Variants in KIFC3 observed in about 807,000 individuals in gnomAD.
KIFC3 encodes the protein kinesin-like protein KIFC3.
In KIFC3, 60 loss-of-function variants were observed where a neutral mutation model predicts 101.8. The ratio of observed to expected loss-of-function variants is 0.59; its 90% confidence interval spans 0.48 to 0.73. KIFC3 has a LOEUF of 0.73. Ranked by LOEUF, KIFC3 falls within the 30% of genes least tolerant of loss-of-function variation. The probability of loss-of-function intolerance (pLI) is 0.00; values close to 1 mark genes in which losing one functional copy is unlikely to be tolerated. For synonymous variants in KIFC3, 476 were observed against 482.7 expected, an observed-to-expected ratio of 0.99 and a Z score of 0.18; for missense variants, 966 against 1,137.1, an observed-to-expected ratio of 0.85 and a Z score of 2.16.
chr16:57,771,701 G>A lies in KIFC3; in HGVS notation c.382-15C>T, dbSNP rs2051239545. 1 of 1,606,190 alleles carries A rather than the reference G, an allele frequency of 6.2e-7. No individual in the cohort carries two copies. The highest frequency in any genetic ancestry group is 1.1e-5 in the South Asian group (1 of 90,020). Reference sequence around the variant, plus strand: ...TCGGTGCCCCCCTGCAGAGAGCCAGGGCCGAGGGGGCGCATGTGGCGAGGG... The same window carrying A: ...TCGGTGCCCCCCTGCAGAGAGCCAGAGCCGAGGGGGCGCATGTGGCGAGGG... On this transcript the variant is annotated splice_polypyrimidine_tract_variant and intron_variant, in intron 4 of 19. Coordinates refer to ENST00000445690, the MANE Select transcript of KIFC3 (RefSeq NM_001130100.2).
At chr16:57,848,663 A>C (rs2149324161) in intron 1 of KIFC3, among the ~76,000 whole-genome samples, 1 of 152,260 alleles carries the variant, frequency 6.6e-6, no homozygotes, top group Non-Finnish European at 1.5e-5. Flanking sequence ...ATATGAAGCT[A>C]ATCTCCGATT....
intron 10 of KIFC3, chr16:57,765,942 C>T (rs960467633): frequency 2.0e-4 from 62 of 309,214 alleles, no homozygotes; most frequent in East Asian, 2.3e-4. Context: ...GACACCAGAA[C>T]GGACACTCTT....
At chr16:57,815,600 C>T in intron 1 of KIFC3, 1 of 1,289,956 alleles carries the variant, frequency 7.8e-7, no homozygotes, top group Non-Finnish European at 1.0e-6. Context: ...GGGGGTGCCC[C>T]CACATGGCTG....
chr16:57,770,459 G>T, intron 7 of KIFC3, 68 bp downstream of exon 7: 1 of 1,299,606 alleles, frequency 7.7e-7, no homozygotes, highest in South Asian at 2.0e-5. Flanking sequence ...ATGTTTAACC[G>T]ATGCATTGGC....
intron 1 of KIFC3, among the ~76,000 whole-genome samples, chr16:57,829,122 GA>G (rs1334658128): frequency 1.3e-5 from 2 of 152,004 alleles, no homozygotes; most frequent in African/African-American, 4.8e-5. Flanking sequence ...ATCAGAAGGG[GA>G]AAAAATGAAC....
chr16:57,788,645 T>A (rs781955456), intron 3 of KIFC3: 1 of 1,289,628 alleles, frequency 7.8e-7, no homozygotes, highest in Non-Finnish European at 1.0e-6. Context: ...CCGGCGCCTG[T>A]CTCTTCCAAA....
At chr16:57,844,486 A>G (rs539566403) in intron 1 of KIFC3, among the ~76,000 whole-genome samples, 292 of 151,492 alleles carry the variant, frequency 1.9e-3, no homozygotes, top group Non-Finnish European at 3.7e-3. Flanking sequence ...GGTCTGGTGA[A>G]GGACCCTTAC....
At chr16:57,845,002 C>T (rs1290452522) in intron 1 of KIFC3, among the ~76,000 whole-genome samples, 1 of 152,128 alleles carries the variant, frequency 6.6e-6, no homozygotes, top group African/African-American at 2.4e-5. Flanking sequence ...TCCTCTGCAG[C>T]CCATATGGTC....
At chr16:57,759,656 A>G in intron 18 of KIFC3, 72 bp downstream of exon 18, 1 of 1,157,098 alleles carries the variant, frequency 8.6e-7, no homozygotes, top group Non-Finnish European at 1.2e-6. Flanking sequence ...GAGAAAGCCC[A>G]TCCAGGTAAG....
In KIFC3 at chr16:57,795,893, T is replaced by G. The variant is rs200085049; in HGVS notation, c.173-752A>C. Among the ~76,000 whole-genome samples the G allele has an allele frequency of 7.6e-3, 371 of 49,004 alleles. 5 individuals carry two copies. The highest frequency in any genetic ancestry group is 0.016 in the Middle Eastern group (1 of 64). The allele number at this position is 49,004 out of a possible 152,430, so 32.1% of individuals were successfully genotyped here. On this transcript the variant is annotated intron_variant, in intron 2 of 19. Transcript: ENST00000445690. ...TTTTTTGGGCTTTTTTGTTTTTTTT[T>G]TTTTTTTTTTTTTTTTTTGAGACAG... is the stretch of plus-strand genomic sequence containing the variant.
chr16:57,799,037 TCA>T (rs1668167537), intron 1 of KIFC3, among the ~76,000 whole-genome samples: 4 of 152,106 alleles, frequency 2.6e-5, no homozygotes, highest in African/African-American at 9.7e-5. Flanking sequence ...AAAAAAACCC[TCA>T]CAGTCTGAGC....
chr16:57,767,042 G>T (rs1162104805), intron 9 of KIFC3, 57 bp from the exon 10 acceptor site: 1 of 1,424,042 alleles, frequency 7.0e-7, no homozygotes, highest in Non-Finnish European at 9.9e-7. Context: ...TTACCGGCCT[G>T]ACTGCCCACC....
upstream of KIFC3, among the ~76,000 whole-genome samples, chr16:57,806,671 A>G (rs1217569913): frequency 6.6e-6 from 1 of 152,228 alleles, no homozygotes; most frequent in Non-Finnish European, 1.5e-5. Flanking sequence ...AAGTAATGAT[A>G]ATTTCTACCA....
At chr16:57,772,608 G>A (rs2051402260) in intron 3 of KIFC3, among the ~76,000 whole-genome samples, 1 of 152,048 alleles carries the variant, frequency 6.6e-6, no homozygotes, top group Admixed American at 6.5e-5. Context: ...CCCACCCTCA[G>A]GACCCCTCAC....
intron 2 of KIFC3, among the ~76,000 whole-genome samples, chr16:57,796,593 C>G (rs2054341634): frequency 6.6e-6 from 1 of 152,212 alleles, no homozygotes; most frequent in Non-Finnish European, 1.5e-5. Context: ...AGGCACGGCG[C>G]TTGCATTTCA....
intron 1 of KIFC3, among the ~76,000 whole-genome samples, chr16:57,798,876 G>A (rs1555624556): frequency 1.3e-5 from 2 of 152,212 alleles, no homozygotes; most frequent in African/African-American, 4.8e-5. Context: ...TGCCTAGCAT[G>A]TGGCAGGCAC....
chr16:57,768,603 G>C (rs1555604841), intron 9 of KIFC3, among the ~76,000 whole-genome samples: 1 of 151,902 alleles, frequency 6.6e-6, no homozygotes, highest in East Asian at 1.9e-4. Flanking sequence ...TGGAAGAGTT[G>C]GGTGGGTGGC....
chr16:57,800,019 G>T (rs957424306), intron 1 of KIFC3, among the ~76,000 whole-genome samples: 1 of 152,106 alleles, frequency 6.6e-6, no homozygotes. Flanking sequence ...TGGCTAGGAT[G>T]GGAAGGAGAG....
chr16:57,765,539 T>C lies in KIFC3; in HGVS notation c.1432A>G (p.Ile478Val). ...AVTFDADDDSIIHLLHKGKPV... is the reference protein window; with the variant it reads ...AVTFDADDDSVIHLLHKGKPV... ...TTGCCCTTGTGCAGCAGGTGGATGA[T>C]GGAGTCGTCGTCGGCATCGAAAGTC... Residue 478 changes from isoleucine (I) to valine (V), a missense_variant, in exon 11 of 20, where the codon ATC becomes GTC. By Grantham distance (29) the Ile-to-Val change is conservative. Coordinates refer to ENST00000445690, the MANE Select transcript of KIFC3 (RefSeq NM_001130100.2). 1 of 1,599,062 alleles carries C rather than the reference T, an allele frequency of 6.3e-7. No homozygotes were observed. Among genetic ancestry groups the C allele is most frequent in the Non-Finnish European group, 8.5e-7 (1 of 1,172,222 alleles).
Sources: allele counts gnomAD v4.1 joint callset (sites outside exome capture counted in the v4.1 genomes callset), GRCh38; gene constraint gnomAD v4.1.1; transcripts MANE v1.5; gene names NCBI Gene and HGNC (gene_info 2026-07-23, HGNC 2026-07-21).